Variants in PLAG1 observed in about 807,000 individuals in gnomAD.
The protein encoded by PLAG1 is zinc finger protein PLAG1.
Under a neutral mutation model 35.5 loss-of-function variants are expected in PLAG1, and 7 were observed. The observed-to-expected ratio is 0.20, with a 90% CI of 0.11 to 0.37. The LOEUF is 0.37. PLAG1 is among the 10% of genes least tolerant of loss of function. The probability of loss-of-function intolerance (pLI) is 1.00; values close to 1 mark genes in which losing one functional copy is unlikely to be tolerated. For synonymous variants in PLAG1, 229 were observed against 225.4 expected (o/e 1.02, Z -0.14); for missense variants, 454 against 602.8 (o/e 0.75, Z 2.58).
chr8:56,210,941 T>G (rs1322511568), intron 1 of PLAG1, among the ~76,000 whole-genome samples, 180 bp downstream of exon 1: 1 of 152,060 alleles, frequency 6.6e-6, no homozygotes, highest in Non-Finnish European at 1.5e-5. Context: ...TTTTATTTTA[T>G]TTTTTATTAT....
intron 1 of PLAG1, among the ~76,000 whole-genome samples, chr8:56,196,989 C>T (rs1464577720): frequency 2.8e-4 from 24 of 86,064 alleles, no homozygotes; most frequent in African/African-American, 8.5e-4. Flanking sequence ...TGTGTGTGTG[C>T]TCCTCTCTCC....
chr8:56,171,100 G>C lies in PLAG1; in HGVS notation c.-127C>G. ...TTAGTTCAATGCATACCTGATTACTGATGGAAAAAGCCTCAGACTTTGATC... is the reference window on the plus strand; with the variant it reads ...TTAGTTCAATGCATACCTGATTACTCATGGAAAAAGCCTCAGACTTTGATC... On this transcript the variant is annotated 5_prime_UTR_variant, in exon 3 of 5. In the 5' UTR this introduces an upstream ATG that the reference lacks. Coordinates refer to ENST00000316981, the MANE Select transcript of PLAG1 (RefSeq NM_002655.3). The C allele has an allele frequency of 1.1e-6, 1 of 944,312 alleles. No homozygotes were observed. Among genetic ancestry groups the C allele is most frequent in the South Asian group, 4.9e-5 (1 of 20,428 alleles). The allele number at this position is 944,312 out of a possible 1,614,324, so 58.5% of individuals were successfully genotyped here.
In PLAG1 at chr8:56,167,932, G is replaced by T; in HGVS notation, c.242+96C>A. Reference sequence around the variant, plus strand: ...CTTAACATTTCCTCTTTGCAAATTAGCTGAAAAATGTGTATACAAATACAT... The same window carrying T: ...CTTAACATTTCCTCTTTGCAAATTATCTGAAAAATGTGTATACAAATACAT... On this transcript the variant is annotated intron_variant, in intron 4 of 4. Transcript: ENST00000316981. This position sits in a 1 kb window ranked among gnomAD's most constrained non-coding sequence, Gnocchi z 5.9. 1 of 682,798 alleles carries T rather than the reference G, an allele frequency of 1.5e-6. No individual in the cohort carries two copies. Among genetic ancestry groups the T allele is most frequent in the Non-Finnish European group, 2.5e-6 (1 of 404,876 alleles). 42.3% of individuals were successfully genotyped at this position (682,798 alleles called of 1,614,324 possible).
At chr8:56,196,953 T>TGC (rs1812391070) in intron 1 of PLAG1, among the ~76,000 whole-genome samples, 1 of 103,516 alleles carries the variant, frequency 9.7e-6, no homozygotes, top group South Asian at 3.0e-4. Context: ...CTAGTGTGCG[T>TGC]GTGTGTGTGT....
Position 56,167,981 on chromosome 8 carries a change from C to A in PLAG1, c.242+47G>T. On this transcript the variant is annotated intron_variant, in intron 4 of 4. Transcript: ENST00000316981. This position sits in a 1 kb window ranked among gnomAD's most constrained non-coding sequence, Gnocchi z 5.9. ...ATACGTTTACAATGGCTTCAAACAG[C>A]CAACATAAGAGAAAATATAATCTGA... 1 of 1,074,482 alleles carries A rather than the reference C, an allele frequency of 9.3e-7. No individual in the cohort carries two copies. The allele number at this position is 1,074,482 out of a possible 1,614,324, so 66.6% of individuals were successfully genotyped here.
At chr8:56,192,139 G>C (rs1389105303) in intron 1 of PLAG1, among the ~76,000 whole-genome samples, 2 of 152,168 alleles carry the variant, frequency 1.3e-5, no homozygotes, top group African/African-American at 4.8e-5. Flanking sequence ...GCCCATGGTG[G>C]GGAAAGTGAA....
intron 1 of PLAG1, among the ~76,000 whole-genome samples, chr8:56,194,144 T>C (rs1016464398): frequency 2.0e-5 from 3 of 151,690 alleles, no homozygotes; most frequent in Non-Finnish European, 4.4e-5. Context: ...CGAAACCCCA[T>C]CTCTACTAAA....
chr8:56,183,048 T>C (rs983894967), intron 1 of PLAG1, among the ~76,000 whole-genome samples: 1 of 152,158 alleles, frequency 6.6e-6, no homozygotes, highest in Non-Finnish European at 1.5e-5. Context: ...GAATGGCACT[T>C]GGCTAGGGGA....
intron 1 of PLAG1, chr8:56,209,359 G>A (rs1357151756): frequency 6.6e-6 from 1 of 152,220 alleles, no homozygotes; most frequent in African/African-American, 2.4e-5. Context: ...CTTCGGTTGA[G>A]GCTGTTTATC....
chr8:56,179,622 G>A (rs1050119671), intron 1 of PLAG1, 109 bp from the exon 2 acceptor site: 3 of 154,546 alleles, frequency 1.9e-5, no homozygotes, highest in African/African-American at 4.8e-5. Context: ...CACATTCTTT[G>A]CACTTTATTG....
intron 1 of PLAG1, among the ~76,000 whole-genome samples, chr8:56,206,483 G>C (rs754188972): frequency 4.0e-5 from 6 of 151,868 alleles, no homozygotes; most frequent in Non-Finnish European, 7.4e-5. Context: ...TTTTAGGTTT[G>C]AGCATTTCAA....
In PLAG1 at chr8:56,205,895, A is replaced by G. The variant is rs551660928; in HGVS notation, c.-322+5226T>C. On this transcript the variant is annotated intron_variant, in intron 1 of 4. Coordinates refer to ENST00000316981, the MANE Select transcript of PLAG1 (RefSeq NM_002655.3). ...ATGCACACACATTTTTTAGGTAGTC[A>G]TCTCAAATTCCCAGCACACACTGTG... Among the ~76,000 whole-genome samples, 98 of 152,134 alleles carry G rather than the reference A, an allele frequency of 6.4e-4. No homozygotes were observed. In the Middle Eastern group the frequency reaches 0.017, roughly 26 times the overall value.
chr8:56,188,111 A>AT, intron 1 of PLAG1, among the ~76,000 whole-genome samples: 1 of 152,238 alleles, frequency 6.6e-6, no homozygotes, highest in East Asian at 1.9e-4. Flanking sequence ...ACTGAAGCAC[A>AT]TAGGAGCCAA....
In PLAG1 at chr8:56,166,231, T is replaced by C. The variant is rs770946747; in HGVS notation, c.*12A>G. ...CACATACATTTCTGTAATGAATCCA[T>C]GTCCCAGAATCCTACTGAAAAGCTT... On this transcript the variant is annotated 3_prime_UTR_variant, in exon 5 of 5. Coordinates refer to ENST00000316981, the MANE Select transcript of PLAG1 (RefSeq NM_002655.3). The C allele has an allele frequency of 3.9e-6, 6 of 1,545,548 alleles. No individual in the cohort carries two copies. The African/African-American group carries it at 8.3e-5, about 21-fold the overall frequency.
In PLAG1 at chr8:56,165,860, A is replaced by T. The variant is rs570941502; in HGVS notation, c.*383T>A. 1 of 199,638 alleles carries T rather than the reference A, an allele frequency of 5.0e-6. No individual in the cohort carries two copies. Among genetic ancestry groups the T allele is most frequent in the Admixed American group, 6.0e-5 (1 of 16,694 alleles). The allele number at this position is 199,638 out of a possible 1,614,324, so 12.4% of individuals were successfully genotyped here. A position where few individuals can be genotyped will look rare whatever the true frequency, so the allele number is the denominator to read the frequency against. On this transcript the variant is annotated 3_prime_UTR_variant, in exon 5 of 5. Transcript: ENST00000316981. Reference sequence around the variant, plus strand: ...TTATACAATTTACATTCTATTGCTAAATTTTTTAATGAGCCAGATGTCAAA... The same window carrying T: ...TTATACAATTTACATTCTATTGCTATATTTTTTAATGAGCCAGATGTCAAA...
chr8:56,188,998 T>TGGAAGG (rs1812101638), intron 1 of PLAG1, among the ~76,000 whole-genome samples: 1 of 152,148 alleles, frequency 6.6e-6, no homozygotes, highest in Non-Finnish European at 1.5e-5. Context: ...TTCCACTGGG[T>TGGAAGG]CCCAGTGAAG....
chr8:56,183,075 A>C (rs1811919506), intron 1 of PLAG1, among the ~76,000 whole-genome samples: 2 of 152,224 alleles, frequency 1.3e-5, no homozygotes, highest in South Asian at 4.1e-4. Context: ...TTTGCCTTTA[A>C]GAGAAGCACA....
rs1469829650 is a variant in PLAG1, at chr8:56,181,806, A to G, written c.-321-2293T>C. ...GCCATAACGTGGTATCAGAGTGACAAATCAACATTTAAAAACAATATTATA... is the reference window on the plus strand; with the variant it reads ...GCCATAACGTGGTATCAGAGTGACAGATCAACATTTAAAAACAATATTATA... On this transcript the variant is annotated intron_variant, in intron 1 of 4. Transcript: ENST00000316981. Among the ~76,000 whole-genome samples the G allele has an allele frequency of 2.0e-5, 3 of 152,266 alleles. No homozygotes were observed. In the East Asian group the frequency reaches 5.8e-4, roughly 29 times the overall value.
At chr8:56,200,890 T>G (rs1812530025) in intron 1 of PLAG1, among the ~76,000 whole-genome samples, 1 of 152,252 alleles carries the variant, frequency 6.6e-6, no homozygotes, top group African/African-American at 2.4e-5. Flanking sequence ...ATACATTAAC[T>G]CATCATCCAA....
Sources: allele counts gnomAD v4.1 joint callset (sites outside exome capture counted in the v4.1 genomes callset), GRCh38; gene constraint gnomAD v4.1.1; non-coding constraint Gnocchi (gnomAD v3.1); transcripts MANE v1.5; gene names NCBI Gene and HGNC (gene_info 2026-07-23, HGNC 2026-07-21).